The following WASHC5 variants were observed in gnomAD, a reference collection of about 807,000 sequenced individuals.
WASHC5 encodes the protein WASH complex subunit strumpellin.
WASHC5 carries 101 observed loss-of-function variants against 150.4 expected under a neutral mutation model. The observed-to-expected ratio is 0.67, with a 90% CI of 0.57 to 0.79. WASHC5 has a LOEUF of 0.79. Ranked by LOEUF, WASHC5 falls within the 30% of genes least tolerant of loss-of-function variation. The pLI, the probability that WASHC5 is intolerant of heterozygous loss-of-function variation, is 0.00. For missense variants in WASHC5, 1,195 were observed against 1,396.3 expected (o/e 0.86, Z 2.30); for synonymous variants, 467 against 491.2 (o/e 0.95, Z 0.65).
Position 125,055,655 on chromosome 8 carries a change from T to C in WASHC5, c.2033A>G (p.His678Arg), listed in dbSNP as rs1471095385. 3.7e-6 allele frequency: 6 copies of C among 1,609,046 alleles called. No individual in the cohort carries two copies. Among genetic ancestry groups the C allele is most frequent in the Non-Finnish European group, 5.1e-6 (6 of 1,175,614 alleles). The stretch of plus-strand genomic sequence containing the variant: ...GCCTTCAGTAAAAATGGAAATAGCA[T>C]GAGTAAGCTTGGCAACCTATAACAA... Reference protein sequence around the residue: ...GPRYEVAKLTHAISIFTEGIL... With the variant: ...GPRYEVAKLTRAISIFTEGIL... Residue 678 changes from histidine to arginine, a missense_variant, in exon 17 of 29, where the codon CAT becomes CGT. Around this residue, in one of 3 missense-constraint regions of WASHC5, gnomAD observed 997 missense variants for 1,168.1 expected, o/e 0.85. Transcript: ENST00000318410.
At chr8:125,087,200 T>C (rs1202961546) in intron 1 of WASHC5, among the ~76,000 whole-genome samples, 1 of 152,252 alleles carries the variant, frequency 6.6e-6, no homozygotes, top group Non-Finnish European at 1.5e-5. Flanking sequence ...TTTTCTATAA[T>C]GCTGTGCAAT....
At chr8:125,074,138 T>C (rs1034078354) in intron 8 of WASHC5, among the ~76,000 whole-genome samples, 2 of 152,184 alleles carry the variant, frequency 1.3e-5, no homozygotes, top group African/African-American at 4.8e-5. Context: ...ATCAAGTTAG[T>C]TGAAATCTGT....
At chr8:125,048,770 C>A (rs920753859) in intron 19 of WASHC5, among the ~76,000 whole-genome samples, 64 of 152,186 alleles carry the variant, frequency 4.2e-4, no homozygotes, top group African/African-American at 1.5e-3. Context: ...ATAACAATTA[C>A]AACAAACAGC....
chr8:125,043,791 G>A (rs754516390), intron 23 of WASHC5, 34 bp downstream of exon 23: 1 of 1,421,940 alleles, frequency 7.0e-7, no homozygotes, highest in East Asian at 2.3e-5. Context: ...AAAAATGTAA[G>A]TATTGACTGT....
intron 9 of WASHC5, among the ~76,000 whole-genome samples, chr8:125,072,335 TAAAAAA>T (rs1214416109): frequency 1.4e-5 from 1 of 69,878 alleles, no homozygotes; most frequent in African/African-American, 7.5e-5. Context: ...GATCCTGTCT[TAAAAAA>T]AAAAAAAAAG....
Position 125,061,121 on chromosome 8 carries a change from C to T in WASHC5, c.1482G>A (p.Ala494=), listed in dbSNP as rs541340648. The T allele has an allele frequency of 7.4e-6, 12 of 1,612,428 alleles. No homozygotes were observed. The highest frequency in any genetic ancestry group is 2.2e-5 in the East Asian group (1 of 44,828). ...LSLNYDDSTA[A]GRKTVQLIQA... is the part of the protein sequence containing the mutation. ...GTATCAGTTGTACAGTTTTTCTGCCCGCAGCAGTAGAATCATCATAATTTA... is the reference window on the plus strand; with the variant it reads ...GTATCAGTTGTACAGTTTTTCTGCCTGCAGCAGTAGAATCATCATAATTTA... The change falls in exon 12 of 29, where the codon GCG becomes GCA. Residue 494 remains alanine, a synonymous_variant. Coordinates refer to ENST00000318410, the MANE Select transcript of WASHC5 (RefSeq NM_014846.4).
At position 125,078,775 on chromosome 8, in the gene WASHC5, A is replaced by C. The variant is rs779280297; in HGVS notation, c.674T>G (p.Val225Gly). Residue 225 changes from valine (V) to glycine (G), a missense_variant, in exon 6 of 29, where the codon GTC becomes GGC. Val to Gly is a moderately radical substitution (Grantham distance 109, BLOSUM62 -3). Around this residue, in one of 3 missense-constraint regions of WASHC5, gnomAD observed 997 missense variants for 1,168.1 expected, o/e 0.85. Coordinates refer to ENST00000318410, the MANE Select transcript of WASHC5 (RefSeq NM_014846.4). ...ATCATCAGATCTCAGTCGACCAATG[A>C]CCATACTGATGAAGGATTCGTTGAT... ...VPINESFISMVIGRLRSDDIY... is the reference protein window; with the variant it reads ...VPINESFISMGIGRLRSDDIY... The C allele has an allele frequency of 6.2e-7, 1 of 1,613,972 alleles. No homozygotes were observed. The highest frequency in any genetic ancestry group is 1.1e-5 in the South Asian group (1 of 91,084).
chr8:125,036,848 T>C (rs931537644), intron 26 of WASHC5, among the ~76,000 whole-genome samples: 2 of 151,988 alleles, frequency 1.3e-5, no homozygotes, highest in Non-Finnish European at 2.9e-5. Context: ...CTGTCTCTAC[T>C]AAAAATACAA....
At chr8:125,058,849 G>T (rs542542150) in intron 14 of WASHC5, among the ~76,000 whole-genome samples, 14 of 152,224 alleles carry the variant, frequency 9.2e-5, no homozygotes, top group African/African-American at 2.9e-4. Flanking sequence ...GTAGATATTA[G>T]TACTAGTTTG....
At position 125,058,800 on chromosome 8, in the gene WASHC5, A is replaced by G. The variant is rs2385000; in HGVS notation, c.1764+422T>C. 8.7e-3 allele frequency among the ~76,000 whole-genome samples: 1,318 copies of G among 152,284 alleles called. 18 individuals carry two copies. The highest frequency in any genetic ancestry group is 0.03 in the African/African-American group (1,238 of 41,568). On this transcript the variant is annotated intron_variant, in intron 14 of 28. Coordinates refer to ENST00000318410, the MANE Select transcript of WASHC5 (RefSeq NM_014846.4). ...CACGAACTGAAATTACCATGAGAGC[A>G]AGGACTGTGCCTGTTGTTCACCAAT...
At chr8:125,056,519 G>A (rs955184461) in intron 16 of WASHC5, among the ~76,000 whole-genome samples, 158 bp downstream of exon 16, 8 of 152,164 alleles carry the variant, frequency 5.3e-5, no homozygotes, top group Non-Finnish European at 8.8e-5. Flanking sequence ...AGGTGTGATT[G>A]TACTAAAATC....
chr8:125,025,670 G>C (rs1815358058), intron 28 of WASHC5, among the ~76,000 whole-genome samples: 1 of 152,150 alleles, frequency 6.6e-6, no homozygotes. Flanking sequence ...CCTGGCGACA[G>C]ATGGCACATG....
At position 125,064,190 on chromosome 8, in the gene WASHC5, GTTTA is replaced by G. The variant is rs977739185; in HGVS notation, c.1279-543_1279-540del. On this transcript the variant is annotated intron_variant, in intron 10 of 28. Coordinates refer to ENST00000318410, the MANE Select transcript of WASHC5 (RefSeq NM_014846.4). ...TATTTATTATTATACAAGTAATTGTGTTTATTGTTATTTATTTATTTAGTTTTTG... is the reference window on the plus strand; with the variant it reads ...TATTTATTATTATACAAGTAATTGTGTTGTTATTTATTTATTTAGTTTTTG... 1.1e-3 allele frequency among the ~76,000 whole-genome samples: 165 copies of G among 151,756 alleles called. 1 individual carries two copies. Among genetic ancestry groups the G allele is most frequent in the African/African-American group, 3.8e-3 (158 of 41,432 alleles).
At chr8:125,064,682 G>A (rs10095967) in intron 10 of WASHC5, among the ~76,000 whole-genome samples, 28,820 of 151,924 alleles carry the variant, frequency 0.19, 3,188 homozygotes, top group Middle Eastern at 0.35. Flanking sequence ...TCAGACAAGG[G>A]TAGATGGTCT....
chr8:125,065,640 C>G (rs886282911), intron 10 of WASHC5, among the ~76,000 whole-genome samples: 1 of 144,152 alleles, frequency 6.9e-6, no homozygotes, highest in Admixed American at 7.0e-5. Context: ...TTTTTTTAGG[C>G]AGAGTCTTGC....
intron 27 of WASHC5, among the ~76,000 whole-genome samples, chr8:125,031,472 T>C (rs923387817): frequency 5.9e-5 from 9 of 151,916 alleles, no homozygotes; most frequent in African/African-American, 2.2e-4. Context: ...AGAGATGGGG[T>C]TTCACCATGT....
chr8:125,060,390 G>T (rs781519621), intron 12 of WASHC5, among the ~76,000 whole-genome samples: 2 of 151,746 alleles, frequency 1.3e-5, no homozygotes, highest in Non-Finnish European at 2.9e-5. Context: ...GGAGGCTGAG[G>T]CAGGACAATC....
intron 16 of WASHC5, among the ~76,000 whole-genome samples, chr8:125,056,032 C>T (rs554832415): frequency 6.6e-4 from 100 of 152,262 alleles, no homozygotes; most frequent in Admixed American, 9.8e-4. Context: ...GCAATAGCAG[C>T]AGACATTGAT....
At chr8:125,082,889 G>A (rs1295805573) in intron 3 of WASHC5, 10 of 440,794 alleles carry the variant, frequency 2.3e-5, no homozygotes, top group Non-Finnish European at 4.0e-5. Context: ...ATATGACTTA[G>A]TTAAACTAAG....
Sources: allele counts gnomAD v4.1 joint callset (sites outside exome capture counted in the v4.1 genomes callset), GRCh38; gene constraint gnomAD v4.1.1; regional missense constraint gnomAD v4.1.1; transcripts MANE v1.5; gene names NCBI Gene and HGNC (gene_info 2026-07-23, HGNC 2026-07-21).